The following NMNAT2 variants were observed in gnomAD, a reference collection of about 807,000 sequenced individuals.
NMNAT2 encodes the protein nicotinamide/nicotinic acid mononucleotide adenylyltransferase 2.
Under a neutral mutation model 41.6 loss-of-function variants are expected in NMNAT2, and 11 were observed. The observed-to-expected ratio is 0.26, with a 90% CI of 0.17 to 0.44. The LOEUF is 0.44. NMNAT2 is among the 20% of genes least tolerant of loss of function. NMNAT2 has a pLI of 1.00. For synonymous variants in NMNAT2, 148 were observed against 151.2 expected, an observed-to-expected ratio of 0.98 and a Z score of 0.16; for missense variants, 288 against 407.7, an observed-to-expected ratio of 0.71 and a Z score of 2.53.
chr1:183,280,052 A>G (rs1661218559), intron 7 of NMNAT2, among the ~76,000 whole-genome samples: 1 of 152,194 alleles, frequency 6.6e-6, no homozygotes. Flanking sequence ...CTGCTCTTGC[A>G]GCATGGGGTC....
rs1464247833 is a variant in NMNAT2, at chr1:183,249,680, GGCGTGT to G, written c.*2955_*2960del. The G allele has an allele frequency of 9.5e-5, 11 of 116,216 alleles. No individual in the cohort carries two copies. The highest frequency in any genetic ancestry group is 3.8e-4 in the African/African-American group (11 of 28,870). 7.2% of individuals were successfully genotyped at this position (116,216 alleles called of 1,614,324 possible). A position where few individuals can be genotyped will look rare whatever the true frequency, so the allele number is the denominator to read the frequency against. On this transcript the variant is annotated 3_prime_UTR_variant, in exon 11 of 11. Coordinates refer to ENST00000287713, the MANE Select transcript of NMNAT2 (RefSeq NM_015039.4). ...CCTTCCCCTAGCAAATGAAGAGTAG[GGCGTGT>G]GTGTGTGTGTGTGTGTGTGTGTGTG... is the stretch of plus-strand genomic sequence containing the variant.
chr1:183,278,724 C>G, intron 7 of NMNAT2, 95 bp from the exon 8 acceptor site: 1 of 874,132 alleles, frequency 1.1e-6, no homozygotes, highest in Non-Finnish European at 1.9e-6. Context: ...ACATAACTCT[C>G]CCACCTTTGG....
chr1:183,281,615 C>T (rs900878926), intron 7 of NMNAT2, among the ~76,000 whole-genome samples: 1 of 152,176 alleles, frequency 6.6e-6, no homozygotes, highest in East Asian at 1.9e-4. Context: ...GTCAGACAAG[C>T]GGCCCCAGCA....
chr1:183,317,023 T>TG (rs1444435327), intron 1 of NMNAT2, among the ~76,000 whole-genome samples: 1 of 152,222 alleles, frequency 6.6e-6, no homozygotes, highest in African/African-American at 2.4e-5. Flanking sequence ...AAATGTTACC[T>TG]GATCCACATA....
At chr1:183,300,654 T>C (rs192766083) in intron 1 of NMNAT2, among the ~76,000 whole-genome samples, 1 of 152,350 alleles carries the variant, frequency 6.6e-6, no homozygotes, top group Non-Finnish European at 1.5e-5. Flanking sequence ...GTATTAATCT[T>C]GCAACTTCCT....
intron 8 of NMNAT2, among the ~76,000 whole-genome samples, chr1:183,273,380 C>T (rs1260764605): frequency 2.6e-5 from 4 of 152,234 alleles, no homozygotes; most frequent in African/African-American, 9.6e-5. Flanking sequence ...AAGTATCACT[C>T]GGGGCACCCG....
intron 1 of NMNAT2, among the ~76,000 whole-genome samples, chr1:183,356,770 A>G (rs1663198261): frequency 6.6e-6 from 1 of 152,246 alleles, no homozygotes; most frequent in Non-Finnish European, 1.5e-5. Flanking sequence ...TGCCAGGGCC[A>G]TTTATAGCAG....
At chr1:183,350,321 G>C (rs1044968921) in intron 1 of NMNAT2, among the ~76,000 whole-genome samples, 1 of 152,184 alleles carries the variant, frequency 6.6e-6, no homozygotes, top group Non-Finnish European at 1.5e-5. Flanking sequence ...ATGGGGAACT[G>C]TCCTGGTCAA....
At chr1:183,314,666 C>T (rs553846584) in intron 1 of NMNAT2, among the ~76,000 whole-genome samples, 4 of 152,210 alleles carry the variant, frequency 2.6e-5, no homozygotes, top group Non-Finnish European at 5.9e-5. Context: ...TCATGGTGTG[C>T]ACAGCCTTTT....
At chr1:183,397,008 T>G (rs1219040841) in intron 1 of NMNAT2, among the ~76,000 whole-genome samples, 1 of 152,210 alleles carries the variant, frequency 6.6e-6, no homozygotes, top group Non-Finnish European at 1.5e-5. Context: ...TAGTCAAAAC[T>G]GTGACCTCCA....
At chr1:183,358,836 C>T (rs10494562) in intron 1 of NMNAT2, among the ~76,000 whole-genome samples, 11,226 of 152,258 alleles carry the variant, frequency 0.074, 485 homozygotes, top group Admixed American at 0.1. Context: ...CTGAAAGGTA[C>T]AGGACGGACG....
intron 1 of NMNAT2, among the ~76,000 whole-genome samples, chr1:183,326,684 G>A (rs1243923254): frequency 6.6e-6 from 1 of 152,178 alleles, no homozygotes; most frequent in Non-Finnish European, 1.5e-5. Context: ...TTAAGAAAGA[G>A]AGTGACATGA....
At chr1:183,316,187 G>A (rs1476879649) in intron 1 of NMNAT2, among the ~76,000 whole-genome samples, 1 of 152,154 alleles carries the variant, frequency 6.6e-6, no homozygotes, top group Non-Finnish European at 1.5e-5. Context: ...CTGACCCTGA[G>A]TGCTCCAGTT....
At chr1:183,360,031 A>C (rs1663272821) in intron 1 of NMNAT2, among the ~76,000 whole-genome samples, 2 of 152,132 alleles carry the variant, frequency 1.3e-5, no homozygotes, top group Non-Finnish European at 2.9e-5. Context: ...GCTAAGTCTA[A>C]AGGTGAATTA....
At chr1:183,401,598 A>G (rs1184475864) in intron 1 of NMNAT2, among the ~76,000 whole-genome samples, 2 of 152,210 alleles carry the variant, frequency 1.3e-5, no homozygotes, top group Admixed American at 6.5e-5. Context: ...TTATGCTGCT[A>G]TAAAGACACA....
At chr1:183,265,953 T>C (rs1558109886) in intron 8 of NMNAT2, among the ~76,000 whole-genome samples, 1 of 152,070 alleles carries the variant, frequency 6.6e-6, no homozygotes, top group Non-Finnish European at 1.5e-5. Context: ...AATGGGAAGA[T>C]GGAGTAGAAA....
At chr1:183,408,989 A>T (rs1649041898) in intron 1 of NMNAT2, among the ~76,000 whole-genome samples, 1 of 152,200 alleles carries the variant, frequency 6.6e-6, no homozygotes, top group Non-Finnish European at 1.5e-5. Context: ...ATGTAGTTTC[A>T]TCTCAGTGCT....
chr1:183,380,695 G>A (rs763504944), intron 1 of NMNAT2, among the ~76,000 whole-genome samples: 5 of 152,024 alleles, frequency 3.3e-5, no homozygotes, highest in Non-Finnish European at 5.9e-5. Flanking sequence ...ATGGAAATTC[G>A]ACAGATCAAT....
chr1:183,402,902 AC>A (rs57871267), intron 1 of NMNAT2, among the ~76,000 whole-genome samples: 100,630 of 151,462 alleles, frequency 0.66, 33,962 homozygotes, highest in East Asian at 0.89. Flanking sequence ...ATTGGACTTT[AC>A]CCCCAAAGCT....
Sources: gnomAD v4.1 joint callset for allele counts (sites outside exome capture counted in the v4.1 genomes callset) on GRCh38, gnomAD v4.1.1 for gene constraint, MANE v1.5 for transcripts, NCBI Gene and HGNC (gene_info 2026-07-23, HGNC 2026-07-21) for gene names.